Variants in ETAA1 observed in about 807,000 individuals in gnomAD.
ETAA1 encodes the protein ewing's tumor-associated antigen 1.
A neutral mutation model predicts 76.8 loss-of-function variants in ETAA1; 49 were observed. That is an observed-to-expected ratio of 0.64 (90% CI 0.51 to 0.81). The LOEUF is 0.81. Among genes scored for constraint, ETAA1 ranks in the 30% least tolerant of loss-of-function variants. ETAA1 has a pLI of 0.00. For missense variants in ETAA1, 1,099 were observed against 1,074.0 expected, an observed-to-expected ratio of 1.02 and a Z score of -0.32; for synonymous variants, 373 against 372.2, an observed-to-expected ratio of 1.00 and a Z score of -0.03.
At position 67,397,486 on chromosome 2, in the gene ETAA1, C is replaced by G; in HGVS notation, c.38C>G (p.Pro13Arg). Residue 13 changes from proline (P) to arginine (R), a missense_variant, in exon 1 of 6, where the codon CCG (proline) becomes CGG (arginine). Physicochemically the swap from Pro to Arg is moderately radical, Grantham distance 103. This residue lies in a region of ETAA1 where 761 missense variants were observed against 731.9 expected (regional missense o/e 1.04). Transcript: ENST00000272342. ...AGGAAACATGATGACAGCCCTAGCC[C>G]GAAGAAAACGCCGCACAAAACAGTG... Reference protein sequence around the residue: ...RRRKHDDSPSPKKTPHKTVAA... With the variant: ...RRRKHDDSPSRKKTPHKTVAA... 6.2e-7 allele frequency: 1 copy of G among 1,602,856 alleles called. No individual in the cohort carries two copies. Among genetic ancestry groups the G allele is most frequent in the Non-Finnish European group, 8.5e-7 (1 of 1,174,876 alleles).
At position 67,403,736 on chromosome 2, in the gene ETAA1, A is replaced by G; in HGVS notation, c.1054A>G (p.Met352Val). 5.0e-6 allele frequency: 8 copies of G among 1,613,454 alleles called. No individual in the cohort carries two copies. Among genetic ancestry groups the G allele is most frequent in the African/African-American group, 2.7e-5 (2 of 75,014 alleles). Reference protein sequence around the residue: ...SLSSQVDTPIMTKSCVTSCTK... With the variant: ...SLSSQVDTPIVTKSCVTSCTK... ...TTCTTCTCAAGTAGATACACCCATA[A>G]TGACAAAATCATGTGTGACTTCCTG... The change falls in exon 5 of 6, where the codon ATG becomes GTG. Residue 352 changes from methionine (M) to valine (V), a missense_variant. This residue lies in a region of ETAA1 where 761 missense variants were observed against 731.9 expected (regional missense o/e 1.04). Transcript: ENST00000272342.
chr2:67,402,646 TC>T (rs1676086646), intron 3 of ETAA1: 1 of 263,260 alleles, frequency 3.8e-6, no homozygotes, highest in Non-Finnish European at 7.1e-6. Flanking sequence ...ATGTTTTCAT[TC>T]TCTGAAACAT....
Position 67,404,953 on chromosome 2 carries a change from T to C in ETAA1, c.2271T>C (p.Thr757=). 1 of 1,613,004 alleles carries C rather than the reference T, an allele frequency of 6.2e-7. No individual in the cohort carries two copies. The highest frequency in any genetic ancestry group is 8.5e-7 in the Non-Finnish European group (1 of 1,179,380). Residue 757 remains threonine (T), a synonymous_variant, in exon 5 of 6, where the codon ACT becomes ACC. Transcript: ENST00000272342. ...INNLHVSYTN[T]DVPIQVNSSK... is the part of the protein sequence containing the mutation. ...ATCTGCATGTGTCTTATACTAACAC[T>C]GATGTTCCAATACAAGTGAATAGTT...
At chr2:67,397,750 G>A (rs1675921808) in intron 1 of ETAA1, 79 bp downstream of exon 1, 4 of 1,392,786 alleles carry the variant, frequency 2.9e-6, no homozygotes, top group Admixed American at 4.0e-5. Context: ...GAAATCTGGG[G>A]TGGGGGTGGA....
chr2:67,401,861 GA>G (rs1410649519), intron 3 of ETAA1: 2 of 151,916 alleles, frequency 1.3e-5, no homozygotes, highest in Non-Finnish European at 3.0e-5. Context: ...TTGACATTAA[GA>G]AAACTTTTTT....
At position 67,403,277 on chromosome 2, in the gene ETAA1, G is replaced by C. The variant is rs1390210433; in HGVS notation, c.595G>C (p.Asp199His). ...ACTTATGAAACTGGCTAAACAATTT[G>C]ATAAAAATATGGAAGAGCTAGATGT... Reference protein sequence around the residue: ...EELMKLAKQFDKNMEELDVIQ... With the variant: ...EELMKLAKQFHKNMEELDVIQ... Residue 199 changes from aspartate (D) to histidine (H), a missense_variant, in exon 5 of 6, where the codon GAT (aspartate) becomes CAT (histidine). Physicochemically the swap from Asp to His is moderately conservative, Grantham distance 81. Around this residue, in one of 3 missense-constraint regions of ETAA1, gnomAD observed 761 missense variants for 731.9 expected, o/e 1.04. Coordinates refer to ENST00000272342, the MANE Select transcript of ETAA1 (RefSeq NM_019002.4). The C allele has an allele frequency of 2.5e-6, 4 of 1,592,180 alleles. No homozygotes were observed. The highest frequency in any genetic ancestry group is 3.4e-6 in the Non-Finnish European group (4 of 1,172,644).
intron 3 of ETAA1, chr2:67,401,818 G>A (rs1216444005): frequency 6.6e-6 from 1 of 151,880 alleles, no homozygotes; most frequent in East Asian, 1.9e-4. Flanking sequence ...ATTTTCTTGA[G>A]TATTTGCAAA....
rs369204741 is a variant in ETAA1 at position 67,397,585 on chromosome 2, G to T, written c.137G>T (p.Cys46Phe). Residue 46 changes from cysteine to phenylalanine, a missense_variant, in exon 1 of 6, where the codon TGC becomes TTC. By Grantham distance (205) the Cys-to-Phe change is radical. Around this residue, in one of 3 missense-constraint regions of ETAA1, gnomAD observed 761 missense variants for 731.9 expected, o/e 1.04. Transcript: ENST00000272342. ...AGATCGGCCCGCGGTTCGTGGCCCT[G>T]CGGGGCTAGAGAGGGGCCTCCCGGG... is the stretch of plus-strand genomic sequence containing the variant. ...RLRSARGSWP[C>F]GAREGPPGPV... 337 of 1,556,878 alleles carry T rather than the reference G, an allele frequency of 2.2e-4. No homozygotes were observed. The highest frequency in any genetic ancestry group is 2.8e-4 in the Non-Finnish European group (323 of 1,150,992).
chr2:67,408,040 A>G (rs1266803357), intron 5 of ETAA1, among the ~76,000 whole-genome samples: 3 of 152,164 alleles, frequency 2.0e-5, no homozygotes, highest in African/African-American at 7.2e-5. Flanking sequence ...TTTTATGGAT[A>G]ATCTGCGTTT....
At chr2:67,408,677 G>A (rs1252730443) in intron 5 of ETAA1, among the ~76,000 whole-genome samples, 1 of 152,098 alleles carries the variant, frequency 6.6e-6, no homozygotes, top group Non-Finnish European at 1.5e-5. Context: ...TGGGAAAAAT[G>A]GATGAGTCCC....
chr2:67,401,778 AAT>A (rs1375056068), intron 3 of ETAA1: 3 of 151,942 alleles, frequency 2.0e-5, no homozygotes, highest in African/African-American at 7.2e-5. Context: ...TAAAAGGGAA[AAT>A]ATATTGAGTC....
rs1486039195 is a variant in ETAA1, at chr2:67,405,076, G to A, written c.2394G>A (p.Gln798=). 1.9e-6 allele frequency: 3 copies of A among 1,612,270 alleles called. No homozygotes were observed. The part of the protein sequence containing the change: ...TTYKKKLSTN[Q]PCHKTVTDEA... ...ATAAGAAGAAATTGAGTACTAATCAGCCATGCCATAAGACTGTAACAGATG... is the reference window on the plus strand; with the variant it reads ...ATAAGAAGAAATTGAGTACTAATCAACCATGCCATAAGACTGTAACAGATG... The change falls in exon 5 of 6, where the codon CAG becomes CAA. Residue 798 remains glutamine, a synonymous_variant. Transcript: ENST00000272342.
intron 3 of ETAA1, chr2:67,401,301 CTTATA>C (rs544076072): frequency 9.9e-4 from 151 of 151,992 alleles, no homozygotes; most frequent in African/African-American, 3.4e-3. Flanking sequence ...ATGACAAATA[CTTATA>C]TTGTTTATTT....
At chr2:67,412,085 TGTTTA>T (rs937491910) in exon 6 of ETAA1, 45 of 151,968 alleles carry the variant, frequency 3.0e-4, no homozygotes, top group Admixed American at 3.0e-3. Context: ...CTTTATGTGT[TGTTTA>T]GTTGTATAAA....
chr2:67,409,484 C>T (rs546823938), intron 5 of ETAA1, among the ~76,000 whole-genome samples: 6 of 151,658 alleles, frequency 4.0e-5, no homozygotes, highest in Admixed American at 2.0e-4. Context: ...TGTAAATATA[C>T]ACTGTTTGAG....
At position 67,404,268 on chromosome 2, in the gene ETAA1, C is replaced by G; in HGVS notation, c.1586C>G (p.Ser529Cys). 1.2e-6 allele frequency: 2 copies of G among 1,612,248 alleles called. No homozygotes were observed. Among genetic ancestry groups the G allele is most frequent in the East Asian group, 2.2e-5 (1 of 44,790 alleles). Residue 529 changes from serine to cysteine, a missense_variant, in exon 5 of 6, where the codon TCT becomes TGT. Ser to Cys is a moderately radical substitution (Grantham distance 112). Around this residue, in one of 3 missense-constraint regions of ETAA1, gnomAD observed 761 missense variants for 731.9 expected, o/e 1.04. Coordinates refer to ENST00000272342, the MANE Select transcript of ETAA1 (RefSeq NM_019002.4). Reference sequence around the variant, plus strand: ...AAGTCAGCTTTGAACACAAGGTATTCTAATGAACAGAAAAATAAGTGCATT... The same window carrying G: ...AAGTCAGCTTTGAACACAAGGTATTGTAATGAACAGAAAAATAAGTGCATT... ...ERKSALNTRY[S>C]NEQKNKCILN... is the part of the protein sequence containing the mutation.
chr2:67,405,802 T>C (rs1430224829), intron 5 of ETAA1, among the ~76,000 whole-genome samples: 2 of 152,126 alleles, frequency 1.3e-5, no homozygotes, highest in African/African-American at 2.4e-5. Flanking sequence ...ATATTTGATA[T>C]AAACGTGCTA....
Position 67,404,899 on chromosome 2 carries a change from T to C in ETAA1, c.2217T>C (p.Tyr739=). The part of the protein sequence containing the change: ...RFLGATNLTM[Y]SKISNCQINN... ...TAGGTGCCACAAATTTGACTATGTA[T>C]TCTAAGATCTCAAACTGTCAGATAA... Residue 739 remains tyrosine (Y), a synonymous_variant, in exon 5 of 6, where the codon TAT becomes TAC. Transcript: ENST00000272342. 1 of 1,613,070 alleles carries C rather than the reference T, an allele frequency of 6.2e-7. No homozygotes were observed. The highest frequency in any genetic ancestry group is 8.5e-7 in the Non-Finnish European group (1 of 1,179,398).
chr2:67,403,759 C>T lies in ETAA1; in HGVS notation c.1077C>T (p.Ser359=). The T allele has an allele frequency of 3.7e-6, 6 of 1,613,334 alleles. No homozygotes were observed. The highest frequency in any genetic ancestry group is 5.1e-6 in the Non-Finnish European group (6 of 1,179,448). ...TPIMTKSCVT[S]CTKEPETSNK... is the part of the protein sequence containing the mutation. ...TAATGACAAAATCATGTGTGACTTC[C>T]TGTACTAAGGAGCCAGAAACTTCTA... The change falls in exon 5 of 6, where the codon TCC becomes TCT. Residue 359 remains serine, a synonymous_variant. Transcript: ENST00000272342.
Sources: gnomAD v4.1 joint callset for allele counts (sites outside exome capture counted in the v4.1 genomes callset) on GRCh38, gnomAD v4.1.1 for gene constraint, gnomAD v4.1.1 regional missense constraint, MANE v1.5 for transcripts, NCBI Gene and HGNC (gene_info 2026-07-23, HGNC 2026-07-21) for gene names.